GALNT13: variants seen among roughly 807,000 people sequenced by gnomAD.
GALNT13 encodes the protein polypeptide N-acetylgalactosaminyltransferase 13.
GALNT13 carries 28 observed loss-of-function variants against 64.2 expected under a neutral mutation model. The observed-to-expected ratio is 0.44, with a 90% CI of 0.32 to 0.60. The LOEUF (loss-of-function observed/expected upper bound fraction) is 0.60, where lower values mean the gene tolerates loss of function less well. Among genes scored for constraint, GALNT13 ranks in the 20% least tolerant of loss-of-function variants. The probability of loss-of-function intolerance (pLI) is 0.05; values close to 1 mark genes in which losing one functional copy is unlikely to be tolerated. For synonymous variants in GALNT13, 214 were observed against 224.6 expected (o/e 0.95, Z 0.42); for missense variants, 577 against 669.8 (o/e 0.86, Z 1.53).
the GALNT13 span, among the ~76,000 whole-genome samples, chr2:153,771,563 C>CTG: frequency 6.6e-6 from 1 of 151,930 alleles, no homozygotes; most frequent in Non-Finnish European, 1.5e-5. Flanking sequence ...CTCAGTCTCC[C>CTG]AATCCAGGTG....
At chr2:153,611,785 C>T in the GALNT13 span, among the ~76,000 whole-genome samples, 1 of 147,304 alleles carries the variant, frequency 6.8e-6, no homozygotes, top group East Asian at 2.1e-4. Flanking sequence ...GTTTACTGCA[C>T]CTATCAATCC....
intron 3 of GALNT13, among the ~76,000 whole-genome samples, chr2:153,970,397 C>T (rs1474175461): frequency 4.6e-5 from 7 of 152,126 alleles, no homozygotes; most frequent in South Asian, 2.1e-4. Flanking sequence ...ACCTCACTGA[C>T]GACTTCTTCA....
intron 8 of GALNT13, among the ~76,000 whole-genome samples, chr2:154,299,957 C>T (rs1211360072): frequency 6.6e-6 from 1 of 151,942 alleles, no homozygotes; most frequent in Non-Finnish European, 1.5e-5. Flanking sequence ...ATTATTATGA[C>T]TTATTATTTA....
At chr2:153,263,162 A>G in the GALNT13 span, among the ~76,000 whole-genome samples, 13 of 152,066 alleles carry the variant, frequency 8.5e-5, no homozygotes, top group Non-Finnish European at 1.8e-4. Flanking sequence ...ACAGACAAGC[A>G]GAGAGGCAAA....
the GALNT13 span, among the ~76,000 whole-genome samples, chr2:153,074,815 G>T: frequency 6.6e-6 from 1 of 152,100 alleles, no homozygotes. Flanking sequence ...ACTCACTGCA[G>T]CCCCAAACTC....
At chr2:153,468,923 A>G in the GALNT13 span, among the ~76,000 whole-genome samples, 2 of 152,092 alleles carry the variant, frequency 1.3e-5, no homozygotes, top group Non-Finnish European at 2.9e-5. Context: ...GACTGAGGAA[A>G]TTAGTGGTAT....
chr2:153,249,070 G>C, the GALNT13 span, among the ~76,000 whole-genome samples: 1 of 152,118 alleles, frequency 6.6e-6, no homozygotes, highest in Non-Finnish European at 1.5e-5. Flanking sequence ...TATTCAAATA[G>C]AAAGAGAGAA....
At chr2:153,811,943 T>C in the GALNT13 span, among the ~76,000 whole-genome samples, 1 of 152,226 alleles carries the variant, frequency 6.6e-6, no homozygotes, top group African/African-American at 2.4e-5. Context: ...TATAGCAAAC[T>C]GTATAAAGTA....
the GALNT13 span, among the ~76,000 whole-genome samples, chr2:153,440,059 C>A: frequency 6.6e-6 from 1 of 152,128 alleles, no homozygotes; most frequent in Non-Finnish European, 1.5e-5. Context: ...CCCATCAACC[C>A]GTCATCTACA....
chr2:153,147,903 A>G, the GALNT13 span, among the ~76,000 whole-genome samples: 1 of 151,788 alleles, frequency 6.6e-6, no homozygotes, highest in Non-Finnish European at 1.5e-5. Flanking sequence ...TGGGAGCTCA[A>G]TGCTGTAAGT....
chr2:154,398,770 C>G (rs1699168415), intron 10 of GALNT13, among the ~76,000 whole-genome samples: 2 of 152,164 alleles, frequency 1.3e-5, no homozygotes, highest in African/African-American at 2.4e-5. Flanking sequence ...TGACTGAAGA[C>G]ATAAAACATC....
the GALNT13 span, among the ~76,000 whole-genome samples, chr2:153,722,574 GA>G: frequency 5.7e-3 from 762 of 133,994 alleles, 6 homozygotes; most frequent in African/African-American, 0.018. Flanking sequence ...GACTAATAAA[GA>G]AAAAAAGAAG....
rs180803378 is a variant in GALNT13 at position 154,131,094 on chromosome 2, T to A, written c.143-9243T>A. 2.6e-5 allele frequency among the ~76,000 whole-genome samples: 4 copies of A among 152,300 alleles called. No individual in the cohort carries two copies. The East Asian group carries it at 7.7e-4, about 29-fold the overall frequency. ...TTGCAAGATAAGGGCCTTTTAAATA[T>A]TTTTTATTGAGGAAGCTCATTCTTA... is the stretch of plus-strand genomic sequence containing the variant. On this transcript the variant is annotated intron_variant, in intron 3 of 12. Coordinates refer to ENST00000392825, the MANE Select transcript of GALNT13 (RefSeq NM_052917.4).
At chr2:153,905,593 T>G (rs1688505739) in intron 2 of GALNT13, among the ~76,000 whole-genome samples, 1 of 151,978 alleles carries the variant, frequency 6.6e-6, no homozygotes, top group Non-Finnish European at 1.5e-5. Flanking sequence ...CATGATGAGA[T>G]GAAGTCTTGT....
At position 154,389,739 on chromosome 2, in the gene GALNT13, C is replaced by T. The variant is rs762561031; in HGVS notation, c.1157-6252C>T. Among the ~76,000 whole-genome samples the T allele has an allele frequency of 7.2e-5, 11 of 152,180 alleles. No individual in the cohort carries two copies. In the South Asian group the frequency reaches 1.2e-3, roughly 17 times the overall value. ...AGAAGGCTTTAACTGGGTGCTGCAA[C>T]CAGGGAGACAAGAGAGCAGTCTCAA... On this transcript the variant is annotated intron_variant, in intron 9 of 12. Transcript: ENST00000392825.
the GALNT13 span, among the ~76,000 whole-genome samples, chr2:153,440,059 C>G: frequency 4.6e-5 from 7 of 152,246 alleles, no homozygotes; most frequent in East Asian, 1.4e-3. Flanking sequence ...CCCATCAACC[C>G]GTCATCTACA....
At chr2:154,092,410 A>C (rs1701859283) in intron 3 of GALNT13, among the ~76,000 whole-genome samples, 1 of 152,006 alleles carries the variant, frequency 6.6e-6, no homozygotes, top group Non-Finnish European at 1.5e-5. Context: ...TGCTAGACTA[A>C]ATGAGATGTG....
chr2:153,191,352 G>T, the GALNT13 span, among the ~76,000 whole-genome samples: 1 of 151,756 alleles, frequency 6.6e-6, no homozygotes, highest in Non-Finnish European at 1.5e-5. Context: ...TCTATTATGC[G>T]CTGCATGGTG....
intron 2 of GALNT13, among the ~76,000 whole-genome samples, chr2:153,927,426 C>T (rs912696520): frequency 2.0e-5 from 3 of 151,826 alleles, no homozygotes; most frequent in East Asian, 3.8e-4. Context: ...TGTTATATCT[C>T]GCATTATATT....
Sources: gnomAD v4.1 joint callset for allele counts (sites outside exome capture counted in the v4.1 genomes callset) on GRCh38, gnomAD v4.1.1 for gene constraint, MANE v1.5 for transcripts, NCBI Gene and HGNC (gene_info 2026-07-23, HGNC 2026-07-21) for gene names.